Variants in ATP11A observed in about 807,000 individuals in gnomAD.
ATP11A encodes phospholipid-transporting ATPase IH.
A neutral mutation model predicts 154.4 loss-of-function variants in ATP11A; 81 were observed. The observed-to-expected ratio is 0.52, with a 90% CI of 0.44 to 0.63. The LOEUF (loss-of-function observed/expected upper bound fraction) is 0.63, where lower values mean the gene tolerates loss of function less well. ATP11A is among the 30% of genes least tolerant of loss of function. The probability of loss-of-function intolerance (pLI) is 0.00; values close to 1 mark genes in which losing one functional copy is unlikely to be tolerated. For missense variants in ATP11A, 1,316 were observed against 1,474.3 expected (o/e 0.89, Z 1.76); for synonymous variants, 623 against 585.9 (o/e 1.06, Z -0.91).
At chr13:112,849,297 CTTGTAGGG>C (rs2079695360) in intron 17 of ATP11A, among the ~76,000 whole-genome samples, 1 of 152,158 alleles carries the variant, frequency 6.6e-6, no homozygotes, top group Non-Finnish European at 1.5e-5. Flanking sequence ...CTACAGTTTT[CTTGTAGGG>C]TATTTGTCTG....
At chr13:112,824,259 G>C (rs1203743622) in intron 9 of ATP11A, 85 bp from the exon 10 acceptor site, 3 of 1,056,250 alleles carry the variant, frequency 2.8e-6, no homozygotes, top group East Asian at 4.8e-5. Context: ...CCCAAGAATT[G>C]ATTTTCCCCG....
chr13:112,879,042 G>A (rs986266155), intron 29 of ATP11A, among the ~76,000 whole-genome samples: 1 of 152,230 alleles, frequency 6.6e-6, no homozygotes, highest in African/African-American at 2.4e-5. Flanking sequence ...TTCTGCGGTG[G>A]TGTCCATGAT....
intron 1 of ATP11A, among the ~76,000 whole-genome samples, chr13:112,761,105 G>A (rs1034670214): frequency 5.9e-5 from 9 of 152,158 alleles, no homozygotes; most frequent in Non-Finnish European, 1.0e-4. Context: ...TCTCCAGGCT[G>A]CGGACGCTCC....
At position 112,785,222 on chromosome 13, in the gene ATP11A, C is replaced by G; in HGVS notation, c.127C>G (p.Gln43Glu). ...TCCGGGCGCAGAGGCCTACATCCCA[C>G]AGAGATACCCAGACAACAGGATCGT... ...PPPGAEAYIPQRYPDNRIVSS... is the reference protein window; with the variant it reads ...PPPGAEAYIPERYPDNRIVSS... The change falls in exon 2 of 30, where the codon CAG becomes GAG. Residue 43 changes from glutamine to glutamate, a missense_variant. Transcript: ENST00000375645. This position sits in a 1 kb window ranked among gnomAD's most constrained non-coding sequence, Gnocchi z 4.8. The G allele has an allele frequency of 1.3e-6, 2 of 1,563,804 alleles. No homozygotes were observed. The highest frequency in any genetic ancestry group is 1.7e-6 in the Non-Finnish European group (2 of 1,156,290).
Position 112,834,673 on chromosome 13 carries a change from C to T in ATP11A, c.1631+13C>T. 2 of 1,600,740 alleles carry T rather than the reference C, an allele frequency of 1.2e-6. No individual in the cohort carries two copies. Among genetic ancestry groups the T allele is most frequent in the South Asian group, 1.1e-5 (1 of 90,438 alleles). On this transcript the variant is annotated intron_variant, in intron 15 of 29. Transcript: ENST00000375645. ...ACCACATCGAAAGGTATGTGCAGAC[C>T]TCACCCTCAGATGTGAAAGGACTAA...
At chr13:112,703,703 A>G (rs1254828555) in intron 1 of ATP11A, among the ~76,000 whole-genome samples, 14 of 152,140 alleles carry the variant, frequency 9.2e-5, no homozygotes, top group Admixed American at 9.2e-4. Flanking sequence ...GTTCGGATCT[A>G]AGGTTCTGTG....
At chr13:112,800,523 A>G (rs2078106089) in intron 2 of ATP11A, among the ~76,000 whole-genome samples, 1 of 152,138 alleles carries the variant, frequency 6.6e-6, no homozygotes, top group African/African-American at 2.4e-5. Flanking sequence ...CAAAACGGAA[A>G]GCACAAGACT....
chr13:112,859,329 CG>C lies in ATP11A; in HGVS notation c.2668-62del, dbSNP rs2080031575. The C allele has an allele frequency of 7.1e-7, 1 of 1,408,856 alleles. No individual in the cohort carries two copies. The highest frequency in any genetic ancestry group is 1.4e-5 in the African/African-American group (1 of 70,388). 87.3% of individuals were successfully genotyped at this position (1,408,856 alleles called of 1,614,324 possible). On this transcript the variant is annotated intron_variant, in intron 22 of 29. Transcript: ENST00000375645. This position sits in a 1 kb window ranked among gnomAD's most constrained non-coding sequence, Gnocchi z 4.3. Reference sequence around the variant, plus strand: ...TCCTCCCATGTGGGGTGGGCCACGTCGGTAGGTGGCGGCTGCCTCCCTCTGT... The same window carrying C: ...TCCTCCCATGTGGGGTGGGCCACGTCGTAGGTGGCGGCTGCCTCCCTCTGT...
chr13:112,716,030 G>A (rs967095019), intron 1 of ATP11A, among the ~76,000 whole-genome samples: 1 of 152,142 alleles, frequency 6.6e-6, no homozygotes, highest in East Asian at 1.9e-4. Flanking sequence ...GCTCTGTGGG[G>A]GCCTGGGGGT....
chr13:112,874,645 T>C (rs1287526845), intron 27 of ATP11A, among the ~76,000 whole-genome samples: 1 of 152,138 alleles, frequency 6.6e-6, no homozygotes, highest in African/African-American at 2.4e-5. Flanking sequence ...GGCGGGACTC[T>C]CAGCCCAGGA....
intron 11 of ATP11A, among the ~76,000 whole-genome samples, chr13:112,826,445 G>T (rs1267107386): frequency 6.6e-6 from 1 of 152,162 alleles, no homozygotes; most frequent in Admixed American, 6.5e-5. Flanking sequence ...CTTAACTCGT[G>T]ATTTAATCTC....
intron 6 of ATP11A, 23 bp from the exon 7 acceptor site, chr13:112,819,281 T>C (rs2078729242): frequency 6.4e-7 from 1 of 1,552,542 alleles, no homozygotes; most frequent in African/African-American, 1.4e-5. Flanking sequence ...GGCGGTGAGC[T>C]CACATGTCTT....
chr13:112,708,268 T>C (rs1887376420), intron 1 of ATP11A, among the ~76,000 whole-genome samples: 1 of 152,202 alleles, frequency 6.6e-6, no homozygotes, highest in African/African-American at 2.4e-5. Flanking sequence ...AACTTATTTC[T>C]CGTTGGCAAA....
intron 1 of ATP11A, among the ~76,000 whole-genome samples, chr13:112,742,205 G>T (rs1429918955): frequency 2.6e-5 from 4 of 152,208 alleles, no homozygotes; most frequent in Admixed American, 2.6e-4. Context: ...TAAAATAAGT[G>T]CAGGCTCATG....
chr13:112,805,354 A>C (rs1488885505), intron 3 of ATP11A, among the ~76,000 whole-genome samples: 1 of 152,218 alleles, frequency 6.6e-6, no homozygotes, highest in Non-Finnish European at 1.5e-5. Flanking sequence ...CAAGCTATGC[A>C]TCGTTACACT....
At chr13:112,812,127 G>GT (rs1205698516) in intron 5 of ATP11A, 20 of 152,170 alleles carry the variant, frequency 1.3e-4, no homozygotes, top group African/African-American at 4.8e-4. Flanking sequence ...ATCTCAATAT[G>GT]TTTCAAAATA....
intron 1 of ATP11A, among the ~76,000 whole-genome samples, chr13:112,761,913 C>T (rs560571117): frequency 8.8e-4 from 134 of 152,268 alleles, no homozygotes; most frequent in Non-Finnish European, 1.7e-3. Context: ...GTGGGGCCTC[C>T]CCAGGGACAT....
At chr13:112,822,134 G>A (rs2078813172) in intron 8 of ATP11A, among the ~76,000 whole-genome samples, 1 of 152,222 alleles carries the variant, frequency 6.6e-6, no homozygotes, top group South Asian at 2.1e-4. Flanking sequence ...AATGATAAAT[G>A]AAAAGCAAAC....
intron 1 of ATP11A, among the ~76,000 whole-genome samples, chr13:112,715,378 C>CCTGGCTGATCCTCCCT (rs1888309485): frequency 6.7e-6 from 1 of 148,434 alleles, no homozygotes; most frequent in Non-Finnish European, 1.5e-5. Flanking sequence ...CACCTCCCCA[C>CCTGGCTGATCCTCCCT]ACCTGGCCGA....
Sources: gnomAD v4.1 joint callset for allele counts (sites outside exome capture counted in the v4.1 genomes callset) on GRCh38, gnomAD v4.1.1 for gene constraint, Gnocchi (gnomAD v3.1) non-coding constraint, MANE v1.5 for transcripts, NCBI Gene and HGNC (gene_info 2026-07-23, HGNC 2026-07-21) for gene names.